GTF2IRD2B: variants seen among roughly 807,000 people sequenced by gnomAD.
The protein encoded by GTF2IRD2B is general transcription factor II-I repeat domain-containing protein 2B.
In GTF2IRD2B, 10 loss-of-function variants were observed where a neutral mutation model predicts 55.6. The ratio of observed to expected loss-of-function variants is 0.18; its 90% CI spans 0.11 to 0.31. The LOEUF (loss-of-function observed/expected upper bound fraction) is 0.31, where lower values mean the gene tolerates loss of function less well. Among genes scored for constraint, GTF2IRD2B ranks in the 10% least tolerant of loss-of-function variants. The pLI is 1.00. For missense variants in GTF2IRD2B, 206 were observed against 802.7 expected (o/e 0.26, Z 8.98); for synonymous variants, 107 against 320.5 (o/e 0.33, Z 7.12).
chr7:75,101,423 A>G lies in GTF2IRD2B; in HGVS notation c.-5-7537A>G, dbSNP rs587603408. On this transcript the variant is annotated intron_variant, in intron 1 of 15. Transcript: ENST00000472837. ...CTCTACAAAAATAGAAAATTAGCTG[A>G]GTGTCGTGGCACATGCCTGTCATCT... Among the ~76,000 whole-genome samples the G allele has an allele frequency of 4.7e-5, 7 of 149,786 alleles. No homozygotes were observed. The South Asian group carries it at 1.5e-3, about 32-fold the overall frequency.
intron 1 of GTF2IRD2B, among the ~76,000 whole-genome samples, chr7:75,104,921 G>A (rs1463352565): frequency 9.8e-5 from 15 of 152,420 alleles, no homozygotes; most frequent in East Asian, 5.8e-4. Flanking sequence ...CCGGCTGGGC[G>A]CGGTGGCTCA....
chr7:75,109,484 G>A (rs1393724086), intron 2 of GTF2IRD2B, among the ~76,000 whole-genome samples: 28 of 116,206 alleles, frequency 2.4e-4, no homozygotes, highest in Non-Finnish European at 3.7e-4. Flanking sequence ...GATTACAGGC[G>A]CCGGCCACTA....
chr7:75,104,225 C>A (rs1807688580), intron 1 of GTF2IRD2B, among the ~76,000 whole-genome samples: 2 of 147,094 alleles, frequency 1.4e-5, no homozygotes. Flanking sequence ...TGGGTTCAAG[C>A]AATTCTCCTG....
chr7:75,118,074 CAAAAAAAAA>C (rs57631816), intron 3 of GTF2IRD2B, among the ~76,000 whole-genome samples: 46 of 103,800 alleles, frequency 4.4e-4, no homozygotes, highest in African/African-American at 1.5e-3. Flanking sequence ...CAGAGCAAGA[CAAAAAAAAA>C]AAAAAAAAAG....
intron 1 of GTF2IRD2B, among the ~76,000 whole-genome samples, chr7:75,105,804 G>C (rs1311858152): frequency 2.0e-5 from 3 of 152,306 alleles, no homozygotes; most frequent in Non-Finnish European, 4.4e-5. Flanking sequence ...GAGGATTAAA[G>C]GAGCAAAGAC....
chr7:75,106,078 C>T (rs1479116983), intron 1 of GTF2IRD2B, among the ~76,000 whole-genome samples: 6 of 152,304 alleles, frequency 3.9e-5, no homozygotes, highest in Non-Finnish European at 5.9e-5. Context: ...TCCAAATAAC[C>T]GCATGTGACC....
chr7:75,101,893 CAAAA>C (rs1243907524), intron 1 of GTF2IRD2B, among the ~76,000 whole-genome samples: 3 of 78,398 alleles, frequency 3.8e-5, no homozygotes, highest in East Asian at 3.8e-4. Flanking sequence ...GACCCCATCT[CAAAA>C]AAAAAAAAAA....
chr7:75,126,888 T>G (rs751398166), intron 8 of GTF2IRD2B, among the ~76,000 whole-genome samples: 1 of 148,548 alleles, frequency 6.7e-6, no homozygotes, highest in Non-Finnish European at 1.5e-5. Flanking sequence ...TCCCAGCTAC[T>G]TGGGAGGCTG....
intron 3 of GTF2IRD2B, among the ~76,000 whole-genome samples, chr7:75,118,388 A>ACAAC (rs1808247323): frequency 6.6e-6 from 1 of 151,194 alleles, no homozygotes; most frequent in South Asian, 2.1e-4. Flanking sequence ...CACCACATGG[A>ACAAC]CAACCCCACA....
intron 1 of GTF2IRD2B, among the ~76,000 whole-genome samples, chr7:75,101,326 C>A (rs1241773216): frequency 6.0e-5 from 9 of 151,206 alleles, no homozygotes; most frequent in Non-Finnish European, 8.9e-5. Flanking sequence ...TCCCAACACT[C>A]TGGGAGGCTG....
At chr7:75,109,922 CTT>C (rs1807919421) in intron 2 of GTF2IRD2B, among the ~76,000 whole-genome samples, 1 of 46,944 alleles carries the variant, frequency 2.1e-5, no homozygotes, top group Admixed American at 2.4e-4. Flanking sequence ...GTGTGGATGA[CTT>C]GAGGTCAGGA....
chr7:75,109,407 C>T (rs1406144677), intron 2 of GTF2IRD2B, among the ~76,000 whole-genome samples: 8 of 143,588 alleles, frequency 5.6e-5, no homozygotes, highest in African/African-American at 1.7e-4. Context: ...GGCATGATGT[C>T]GGCTCACTGC....
intron 8 of GTF2IRD2B, among the ~76,000 whole-genome samples, chr7:75,132,850 G>A (rs1349536631): frequency 6.7e-6 from 1 of 148,760 alleles, no homozygotes; most frequent in Non-Finnish European, 1.5e-5. Context: ...ACCGTGCCCG[G>A]TCCCCTCCTT....
intron 8 of GTF2IRD2B, among the ~76,000 whole-genome samples, chr7:75,127,479 A>G (rs1554452586): frequency 2.0e-5 from 3 of 149,310 alleles, no homozygotes; most frequent in Non-Finnish European, 4.5e-5. Context: ...AAAAAAAAAA[A>G]AAAAAAAAAA....
At chr7:75,106,864 G>A (rs1554450285) in intron 1 of GTF2IRD2B, among the ~76,000 whole-genome samples, 2 of 140,092 alleles carry the variant, frequency 1.4e-5, no homozygotes, top group East Asian at 4.3e-4. Flanking sequence ...GTTGGAGGAT[G>A]CAGTGAGCCA....
intron 8 of GTF2IRD2B, among the ~76,000 whole-genome samples, chr7:75,130,468 C>T (rs1199453455): frequency 1.4e-5 from 2 of 140,726 alleles, no homozygotes; most frequent in African/African-American, 2.8e-5. Context: ...CATGAGCCAC[C>T]GCACCAGGCC....
intron 8 of GTF2IRD2B, among the ~76,000 whole-genome samples, chr7:75,127,037 A>C (rs1808540881): frequency 6.7e-6 from 1 of 150,334 alleles, no homozygotes; most frequent in African/African-American, 2.4e-5. Context: ...AAAAAACAAA[A>C]AAAAGAACCA....
chr7:75,140,527 C>CT lies in GTF2IRD2B; in HGVS notation c.950-553dup, dbSNP rs1171281832. Among the ~76,000 whole-genome samples the CT allele has an allele frequency of 3.5e-4, 30 of 86,194 alleles. 3 individuals carry two copies. The highest frequency in any genetic ancestry group is 3.7e-4 in the Non-Finnish European group (16 of 43,316). The allele number at this position is 86,194 out of a possible 152,430, so 56.5% of individuals were successfully genotyped here. A position where few individuals can be genotyped will look rare whatever the true frequency, so the allele number is the denominator to read the frequency against. ...TGGTGGTGAAAGTAAACATCCTTGT[C>CT]TTTTTTTTTTTTTTTTTTTTTTTGA... On this transcript the variant is annotated intron_variant, in intron 12 of 15. Coordinates refer to ENST00000472837, the MANE Select transcript of GTF2IRD2B (RefSeq NM_001003795.3).
intron 3 of GTF2IRD2B, among the ~76,000 whole-genome samples, chr7:75,117,028 T>TAC (rs1554451414): frequency 6.1e-5 from 9 of 148,300 alleles, no homozygotes. Context: ...TGGCCTTTAT[T>TAC]ACATTGGTCA....
Sources: allele counts gnomAD v4.1 joint callset (sites outside exome capture counted in the v4.1 genomes callset), GRCh38; gene constraint gnomAD v4.1.1; transcripts MANE v1.5; gene names NCBI Gene and HGNC (gene_info 2026-07-23, HGNC 2026-07-21).